CWC27: variants seen among roughly 807,000 people sequenced by gnomAD.
The protein encoded by CWC27 is spliceosome-associated protein CWC27 homolog.
In CWC27, 47 loss-of-function variants were observed where a neutral mutation model predicts 63.6. That is an observed-to-expected ratio of 0.74 (90% CI 0.58 to 0.94). The LOEUF (loss-of-function observed/expected upper bound fraction) is 0.94. Ranked by LOEUF, CWC27 falls within the 40% of genes least tolerant of loss-of-function variation. The pLI is 0.00. For missense variants in CWC27, 495 were observed against 554.3 expected, an observed-to-expected ratio of 0.89 and a Z score of 1.07; for synonymous variants, 175 against 179.8, an observed-to-expected ratio of 0.97 and a Z score of 0.22.
intron 9 of CWC27, 62 bp from the exon 10 acceptor site, chr5:64,804,167 G>T (rs971348778): frequency 7.6e-6 from 11 of 1,442,144 alleles, no homozygotes; most frequent in Non-Finnish European, 9.4e-6. Context: ...GGATGCAATA[G>T]ATCTCTAGAA....
At chr5:64,906,389 G>A (rs1305429691) in intron 11 of CWC27, among the ~76,000 whole-genome samples, 1 of 152,126 alleles carries the variant, frequency 6.6e-6, no homozygotes, top group Non-Finnish European at 1.5e-5. Flanking sequence ...GTATCTCTTG[G>A]CAGTTTTGAT....
intron 11 of CWC27, among the ~76,000 whole-genome samples, chr5:64,936,607 G>A (rs1400004460): frequency 6.6e-6 from 1 of 152,150 alleles, no homozygotes; most frequent in Non-Finnish European, 1.5e-5. Flanking sequence ...GATGATGCTG[G>A]CCTGATAAAA....
intron 10 of CWC27, among the ~76,000 whole-genome samples, chr5:64,858,286 C>T (rs1026556328): frequency 2.7e-5 from 4 of 149,646 alleles, no homozygotes; most frequent in East Asian, 3.9e-4. Flanking sequence ...GGTGAAACCC[C>T]GTCTCTACTA....
chr5:64,884,691 A>G (rs1190277594), intron 10 of CWC27, among the ~76,000 whole-genome samples: 1 of 152,200 alleles, frequency 6.6e-6, no homozygotes. Context: ...ACCAGTTACA[A>G]GTAACCCTAA....
intron 10 of CWC27, among the ~76,000 whole-genome samples, chr5:64,814,876 A>G (rs1430996497): frequency 6.6e-6 from 1 of 152,146 alleles, no homozygotes; most frequent in Non-Finnish European, 1.5e-5. Flanking sequence ...GGCCTAACTA[A>G]GGTGTAGTAT....
chr5:64,881,419 G>A (rs1273916064), intron 10 of CWC27, among the ~76,000 whole-genome samples: 1 of 152,038 alleles, frequency 6.6e-6, no homozygotes, highest in Non-Finnish European at 1.5e-5. Context: ...ATGATGAACA[G>A]AGTTGTTTGC....
chr5:64,909,027 G>A (rs772255652), intron 11 of CWC27, among the ~76,000 whole-genome samples: 5 of 152,124 alleles, frequency 3.3e-5, no homozygotes, highest in South Asian at 2.1e-4. Flanking sequence ...GGTACCGGTT[G>A]TTCCTTTCCA....
chr5:64,844,913 C>T (rs1235426263), intron 10 of CWC27: 1 of 456,602 alleles, frequency 2.2e-6, no homozygotes, highest in East Asian at 6.9e-5. Context: ...TGGTATTTCT[C>T]CTCTCCCAGG....
rs554999351 is a variant in CWC27, at chr5:64,793,819, C to T, written c.669+4799C>T. Among the ~76,000 whole-genome samples, 214 of 152,092 alleles carry T rather than the reference C, an allele frequency of 1.4e-3. 1 individual carries two copies. Among genetic ancestry groups the T allele is most frequent in the Non-Finnish European group, 2.4e-3 (161 of 67,996 alleles). ...ATCTTTATTCCAGAACCTTTCTGCC[C>T]GATCACAAGTTAATAATTGGTAAAG... On this transcript the variant is annotated intron_variant, in intron 7 of 13. Transcript: ENST00000381070.
intron 11 of CWC27, among the ~76,000 whole-genome samples, chr5:64,965,244 A>G (rs879029492): frequency 7.2e-5 from 11 of 152,190 alleles, no homozygotes; most frequent in Non-Finnish European, 1.6e-4. Flanking sequence ...TGAAGCACCA[A>G]GTTTTTGAGT....
At chr5:64,992,898 C>T (rs137933645) in intron 13 of CWC27, among the ~76,000 whole-genome samples, 174 of 152,152 alleles carry the variant, frequency 1.1e-3, no homozygotes, top group Middle Eastern at 3.4e-3. Flanking sequence ...TACAATTACT[C>T]GAAAATAATC....
intron 10 of CWC27, among the ~76,000 whole-genome samples, chr5:64,822,564 T>C (rs539864384): frequency 1.3e-3 from 194 of 152,216 alleles, no homozygotes; most frequent in African/African-American, 4.3e-3. Context: ...GAATAATCTA[T>C]TGTGACCAGA....
At chr5:64,772,354 A>T (rs919825949) in intron 1 of CWC27, among the ~76,000 whole-genome samples, 4 of 152,138 alleles carry the variant, frequency 2.6e-5, no homozygotes, top group African/African-American at 9.7e-5. Context: ...GACTGGGTGC[A>T]GTGGCTCATG....
chr5:64,783,556 G>A (rs149614153), intron 3 of CWC27, among the ~76,000 whole-genome samples: 195 of 152,296 alleles, frequency 1.3e-3, no homozygotes, highest in African/African-American at 4.4e-3. Flanking sequence ...ATAGGGAAAT[G>A]ACTTAGAAAT....
At chr5:64,979,440 G>A (rs939570327) in intron 13 of CWC27, among the ~76,000 whole-genome samples, 1 of 152,140 alleles carries the variant, frequency 6.6e-6, no homozygotes, top group Non-Finnish European at 1.5e-5. Context: ...CTTATGTAAT[G>A]CCTTTTTATT....
In CWC27 at chr5:65,018,568, T is replaced by G. The variant is rs1202729356; in HGVS notation, c.*247T>G. The G allele has an allele frequency of 1.0e-5, 3 of 289,842 alleles. No homozygotes were observed. Among genetic ancestry groups the G allele is most frequent in the African/African-American group, 2.2e-5 (1 of 45,574 alleles). 18.0% of individuals were successfully genotyped at this position (289,842 alleles called of 1,614,324 possible). A position where few individuals can be genotyped will look rare whatever the true frequency, so the allele number is the denominator to read the frequency against. ...TTGCTAAATCTGAAATAAAATAACT[T>G]TCCTTCCACATTACATGTTAACCAT... On this transcript the variant is annotated 3_prime_UTR_variant, in exon 14 of 14. Transcript: ENST00000381070.
At chr5:64,844,943 T>G (rs1432700652) in intron 10 of CWC27, 1 of 456,704 alleles carries the variant, frequency 2.2e-6, no homozygotes, top group Non-Finnish European at 4.4e-6. Context: ...TGCCTAACCT[T>G]GGAGCCCAGC....
intron 8 of CWC27, among the ~76,000 whole-genome samples, chr5:64,800,699 G>T (rs1046760543): frequency 6.6e-6 from 1 of 152,124 alleles, no homozygotes; most frequent in African/African-American, 2.4e-5. Flanking sequence ...ACAGTTAAAG[G>T]TTTTTGTGAA....
At chr5:65,017,103 C>T (rs1431391881) in intron 13 of CWC27, among the ~76,000 whole-genome samples, 5 of 152,044 alleles carry the variant, frequency 3.3e-5, no homozygotes, top group Non-Finnish European at 4.4e-5. Flanking sequence ...GGGCAGATCA[C>T]GAGGTCAGAA....
Sources: allele counts gnomAD v4.1 joint callset (sites outside exome capture counted in the v4.1 genomes callset), GRCh38; gene constraint gnomAD v4.1.1; transcripts MANE v1.5; gene names NCBI Gene and HGNC (gene_info 2026-07-23, HGNC 2026-07-21).